VPS13B: variants seen among roughly 807,000 people sequenced by gnomAD.
VPS13B encodes the protein vacuolar protein sorting 13 homolog B, also known as intermembrane lipid transfer protein VPS13B.
Under a neutral mutation model 426.4 loss-of-function variants are expected in VPS13B, and 285 were observed. The ratio of observed to expected loss-of-function variants is 0.67; its 90% CI spans 0.61 to 0.74. VPS13B has a LOEUF of 0.74. VPS13B is among the 30% of genes least tolerant of loss of function. VPS13B has a pLI of 0.00. For missense variants in VPS13B, 4,537 were observed against 4,782.6 expected (o/e 0.95, Z 1.51); for synonymous variants, 1,676 against 1,676.4 (o/e 1.00, Z 0.01).
intron 33 of VPS13B, among the ~76,000 whole-genome samples, chr8:99,621,699 G>A (rs913916852): frequency 2.0e-5 from 3 of 152,020 alleles, no homozygotes; most frequent in African/African-American, 7.2e-5. Flanking sequence ...AAAGGCATGG[G>A]CAGAAAGACT....
chr8:99,041,636 G>A (rs774868905), intron 3 of VPS13B, among the ~76,000 whole-genome samples: 51 of 152,050 alleles, frequency 3.4e-4, no homozygotes, highest in African/African-American at 2.9e-4. Flanking sequence ...GGTGGATCAC[G>A]AGGTCAGGAG....
At chr8:99,055,033 GTTTTTTTTTTGT>G (rs1426766122) in intron 3 of VPS13B, among the ~76,000 whole-genome samples, 1 of 109,354 alleles carries the variant, frequency 9.1e-6, no homozygotes, top group East Asian at 2.5e-4. Context: ...TTGTATTTCT[GTTTTTTTTTTGT>G]TTTTTTTTTT....
chr8:99,569,952 A>G (rs541432402), intron 31 of VPS13B, among the ~76,000 whole-genome samples: 4 of 152,218 alleles, frequency 2.6e-5, no homozygotes, highest in Non-Finnish European at 4.4e-5. Flanking sequence ...ATATTACTAC[A>G]TGATAGGTAC....
intron 29 of VPS13B, among the ~76,000 whole-genome samples, chr8:99,519,048 T>C (rs930778083): frequency 3.9e-5 from 6 of 152,246 alleles, no homozygotes; most frequent in African/African-American, 1.4e-4. Context: ...ACAGCTACTA[T>C]AGTAGAATCA....
chr8:99,466,565 A>G (rs1207911358), intron 23 of VPS13B, among the ~76,000 whole-genome samples: 2 of 152,266 alleles, frequency 1.3e-5, no homozygotes, highest in East Asian at 3.9e-4. Flanking sequence ...TCAAATGTTT[A>G]TATTAATAAA....
intron 57 of VPS13B, among the ~76,000 whole-genome samples, chr8:99,861,351 G>A (rs923063266): frequency 1.3e-4 from 20 of 152,276 alleles, no homozygotes; most frequent in African/African-American, 4.6e-4. Context: ...ACTCAGGCTG[G>A]AGTGCAGTGG....
intron 21 of VPS13B, chr8:99,424,656 A>G (rs1041637967): frequency 6.6e-6 from 1 of 152,172 alleles, no homozygotes; most frequent in African/African-American, 2.4e-5. Context: ...AGAACTAGAG[A>G]AGCAAGAGCA....
At chr8:99,365,877 T>C (rs1232192142) in intron 19 of VPS13B, among the ~76,000 whole-genome samples, 1 of 152,126 alleles carries the variant, frequency 6.6e-6, no homozygotes, top group African/African-American at 2.4e-5. Flanking sequence ...ATTGTTTAAT[T>C]TTCATATGTT....
chr8:99,429,051 A>G (rs1239153693), intron 21 of VPS13B, among the ~76,000 whole-genome samples: 2 of 152,160 alleles, frequency 1.3e-5, no homozygotes, highest in Non-Finnish European at 2.9e-5. Flanking sequence ...AACACAGCAT[A>G]TTCTCACTCA....
At chr8:99,379,149 A>G (rs916098453) in intron 19 of VPS13B, among the ~76,000 whole-genome samples, 5 of 152,158 alleles carry the variant, frequency 3.3e-5, no homozygotes, top group African/African-American at 1.2e-4. Context: ...AATTGAATTA[A>G]TGCCTGATCA....
At chr8:99,441,944 T>C (rs1160390976) in intron 22 of VPS13B, among the ~76,000 whole-genome samples, 1 of 152,154 alleles carries the variant, frequency 6.6e-6, no homozygotes, top group African/African-American at 2.4e-5. Context: ...ATAAATTGAA[T>C]GTTTTAAACA....
chr8:99,759,517 T>G (rs912961948), intron 39 of VPS13B, among the ~76,000 whole-genome samples: 1 of 152,192 alleles, frequency 6.6e-6, no homozygotes, highest in Non-Finnish European at 1.5e-5. Flanking sequence ...CACTATACAC[T>G]CCTGACAAAA....
intron 33 of VPS13B, among the ~76,000 whole-genome samples, chr8:99,611,735 A>G (rs1490148673): frequency 6.6e-6 from 1 of 152,074 alleles, no homozygotes; most frequent in Non-Finnish European, 1.5e-5. Context: ...TAACACTAGT[A>G]AAATAGACTG....
chr8:99,200,801 A>T (rs1450022082), intron 17 of VPS13B, among the ~76,000 whole-genome samples: 2 of 152,040 alleles, frequency 1.3e-5, no homozygotes, highest in Admixed American at 6.5e-5. Flanking sequence ...TTCTTATCAG[A>T]TATGATTTGC....
intron 30 of VPS13B, among the ~76,000 whole-genome samples, chr8:99,545,698 G>A (rs1162777694): frequency 6.6e-6 from 1 of 151,942 alleles, no homozygotes; most frequent in Admixed American, 6.6e-5. Context: ...TAATACTGTT[G>A]CATTAGGCAC....
At chr8:99,720,034 T>A (rs1486828285) in intron 37 of VPS13B, among the ~76,000 whole-genome samples, 1 of 152,188 alleles carries the variant, frequency 6.6e-6, no homozygotes, top group Admixed American at 6.5e-5. Context: ...CAGACTATAA[T>A]AGGTGTTCTT....
Position 99,615,928 on chromosome 8 carries a change from A to G in VPS13B, c.5221-25883A>G, listed in dbSNP as rs1416922274. Among the ~76,000 whole-genome samples the G allele has an allele frequency of 3.3e-5, 5 of 152,310 alleles. No homozygotes were observed. The East Asian group carries it at 7.7e-4, about 23-fold the overall frequency. The stretch of plus-strand genomic sequence containing the variant: ...AGTATATATGTATATTATAGGCAAT[A>G]TATACATAGACATAAATATATATAT... On this transcript the variant is annotated intron_variant, in intron 33 of 61. Transcript: ENST00000357162.
rs756927755 is a variant in VPS13B, at chr8:99,477,897, G to A, written c.3667-3702G>A. Among the ~76,000 whole-genome samples, 13 of 152,090 alleles carry A rather than the reference G, an allele frequency of 8.5e-5. 1 individual carries two copies. Among genetic ancestry groups the A allele is most frequent in the Admixed American group, 5.2e-4 (8 of 15,278 alleles). ...TCCATTCCCTTCATCTTAACTATGT[G>A]ACCAAAGTTACCCTGTTTCCTTTAA... is the stretch of plus-strand genomic sequence containing the variant. On this transcript the variant is annotated intron_variant, in intron 24 of 61. Transcript: ENST00000357162.
chr8:99,526,527 A>G (rs554030534), intron 30 of VPS13B, among the ~76,000 whole-genome samples: 33 of 152,290 alleles, frequency 2.2e-4, no homozygotes, highest in Non-Finnish European at 4.3e-4. Flanking sequence ...TTTGAGAGGT[A>G]GAGCCAAGAG....
Sources: gnomAD v4.1 joint callset for allele counts (sites outside exome capture counted in the v4.1 genomes callset) on GRCh38, gnomAD v4.1.1 for gene constraint, MANE v1.5 for transcripts, NCBI Gene and HGNC (gene_info 2026-07-23, HGNC 2026-07-21) for gene names.